Variants in CCN3 observed in about 807,000 individuals in gnomAD.
CCN3 encodes the protein CCN family member 3.
CCN3 carries 20 observed loss-of-function variants against 33.4 expected under a neutral mutation model. That is an observed-to-expected ratio of 0.60 (90% CI 0.42 to 0.87). CCN3 has a LOEUF of 0.87. Ranked by LOEUF, CCN3 falls within the 40% of genes least tolerant of loss-of-function variation. The pLI is 0.00. For missense variants in CCN3, 465 were observed against 455.3 expected, an observed-to-expected ratio of 1.02 and a Z score of -0.19; for synonymous variants, 205 against 170.4, an observed-to-expected ratio of 1.20 and a Z score of -1.58.
At chr8:119,419,473 G>A (rs1820096405) in intron 4 of CCN3, 128 bp downstream of exon 4, 2 of 858,924 alleles carry the variant, frequency 2.3e-6, no homozygotes, top group East Asian at 2.6e-5. Flanking sequence ...TAACCCCAGA[G>A]AAAAGGCAGT....
rs756814438 is a variant in CCN3 at position 119,416,974 on chromosome 8, T to A, written c.310+5T>A. 1 of 1,602,740 alleles carries A rather than the reference T, an allele frequency of 6.2e-7. No homozygotes were observed. Among genetic ancestry groups the A allele is most frequent in the South Asian group, 1.1e-5 (1 of 90,188 alleles). On this transcript the variant is annotated splice_donor_5th_base_variant and intron_variant, in intron 2 of 4. Transcript: ENST00000259526. ...ACCAGACTGGCATCTGCACGGGTAA[T>A]CCTGCTCCCTCTGCTGTTTGACCTC...
intron 4 of CCN3, among the ~76,000 whole-genome samples, chr8:119,422,002 G>T (rs1820130178): frequency 6.6e-6 from 1 of 152,136 alleles, no homozygotes; most frequent in East Asian, 1.9e-4. Context: ...AAACTGCTAT[G>T]AAGAACTACC....
rs917098241 is a variant in CCN3 at position 119,423,285 on chromosome 8, C to A, written c.*153C>A. On this transcript the variant is annotated 3_prime_UTR_variant, in exon 5 of 5. Coordinates refer to ENST00000259526, the MANE Select transcript of CCN3 (RefSeq NM_002514.4). ...ATCATATGAGGACCTTTATATCTGT[C>A]TTTTATTTAACAAAAAATGTAATTA... 4.7e-5 allele frequency: 31 copies of A among 659,566 alleles called. No homozygotes were observed. In the African/African-American group the frequency reaches 4.9e-4, roughly 10 times the overall value. 40.9% of individuals were successfully genotyped at this position (659,566 alleles called of 1,614,324 possible).
At position 119,418,101 on chromosome 8, in the gene CCN3, C is replaced by A. The variant is rs752566264; in HGVS notation, c.354C>A (p.Arg118=). The change falls in exon 3 of 5, where the codon CGC becomes CGA. Residue 118 remains arginine (R), a synonymous_variant. Coordinates refer to ENST00000259526, the MANE Select transcript of CCN3 (RefSeq NM_002514.4). ...DNCVFDGVIY[R]SGEKFQPSCK... ...GTGTGTTCGATGGGGTCATCTACCGCAGTGGAGAGAAATTTCAGCCAAGCT... is the reference window on the plus strand; with the variant it reads ...GTGTGTTCGATGGGGTCATCTACCGAAGTGGAGAGAAATTTCAGCCAAGCT... The A allele has an allele frequency of 1.2e-6, 2 of 1,614,216 alleles. No homozygotes were observed.
Position 119,416,923 on chromosome 8 carries a change from C to T in CCN3, c.264C>T (p.Tyr88=). ...CATGCGACGAGAGCAGTGGCCTCTA[C>T]TGTGATCGCAGCGCGGACCCCAGCA... ...LEPCDESSGL[Y]CDRSADPSNQ... The change falls in exon 2 of 5, where the codon TAC becomes TAT. Residue 88 remains tyrosine, a synonymous_variant. Coordinates refer to ENST00000259526, the MANE Select transcript of CCN3 (RefSeq NM_002514.4). 1 of 1,613,906 alleles carries T rather than the reference C, an allele frequency of 6.2e-7. No homozygotes were observed. The highest frequency in any genetic ancestry group is 8.5e-7 in the Non-Finnish European group (1 of 1,179,892).
chr8:119,417,086 A>G lies in CCN3; in HGVS notation c.310+117A>G, dbSNP rs1263884834. ...GCGATAAGCAAATAATAATAATGCAATAAATGACATGTATAGAGCACTTAC... is the reference window on the plus strand; with the variant it reads ...GCGATAAGCAAATAATAATAATGCAGTAAATGACATGTATAGAGCACTTAC... On this transcript the variant is annotated intron_variant, in intron 2 of 4. Coordinates refer to ENST00000259526, the MANE Select transcript of CCN3 (RefSeq NM_002514.4). 4.7e-6 allele frequency: 4 copies of G among 856,146 alleles called. No individual in the cohort carries two copies. The Admixed American group carries it at 1.1e-4, about 23-fold the overall frequency. 53.0% of individuals were successfully genotyped at this position (856,146 alleles called of 1,614,324 possible).
rs143297689 is a variant in CCN3, at chr8:119,422,804, A to G, written c.778-32A>G. 531 of 1,558,142 alleles carry G rather than the reference A, an allele frequency of 3.4e-4. 2 individuals are homozygous for G. In the African/African-American group the frequency reaches 6.2e-3, roughly 18 times the overall value. On this transcript the variant is annotated intron_variant, in intron 4 of 4. Coordinates refer to ENST00000259526, the MANE Select transcript of CCN3 (RefSeq NM_002514.4). ...ATTGTCCCTCAGGGGAATGGTAGCCATTCAATACATCACTTCTTTTTTCTT... is the reference window on the plus strand; with the variant it reads ...ATTGTCCCTCAGGGGAATGGTAGCCGTTCAATACATCACTTCTTTTTTCTT...
At position 119,416,951 on chromosome 8, in the gene CCN3, C is replaced by A; in HGVS notation, c.292C>A (p.Gln98Lys). ...YCDRSADPSN[Q>K]TGICTAVEGD... ...TGATCGCAGCGCGGACCCCAGCAACCAGACTGGCATCTGCACGGGTAATCC... is the reference window on the plus strand; with the variant it reads ...TGATCGCAGCGCGGACCCCAGCAACAAGACTGGCATCTGCACGGGTAATCC... Residue 98 changes from glutamine (Q) to lysine (K), a missense_variant, in exon 2 of 5, where the codon CAG becomes AAG. Gln to Lys is a moderately conservative substitution (Grantham distance 53, BLOSUM62 1). Transcript: ENST00000259526. The A allele has an allele frequency of 6.2e-7, 1 of 1,612,626 alleles. No individual in the cohort carries two copies.
chr8:119,422,759 A>G, intron 4 of CCN3, 77 bp from the exon 5 acceptor site: 1 of 1,175,692 alleles, frequency 8.5e-7, no homozygotes, highest in African/African-American at 1.5e-5. Context: ...GGCAACTAGC[A>G]GGTAATTCCA....
intron 3 of CCN3, 93 bp downstream of exon 3, chr8:119,418,402 G>C: frequency 4.0e-6 from 6 of 1,499,084 alleles, no homozygotes; most frequent in Non-Finnish European, 5.4e-6. Context: ...AAGAGAAACT[G>C]GCCTCAGTTT....
chr8:119,423,331 G>A lies in CCN3; in HGVS notation c.*199G>A. On this transcript the variant is annotated 3_prime_UTR_variant, in exon 5 of 5. Coordinates refer to ENST00000259526, the MANE Select transcript of CCN3 (RefSeq NM_002514.4). Reference sequence around the variant, plus strand: ...AATTAACTGTAAACTTGGAATCAAGGTAAGCTCAGGATATGGCTTAGGAAT... The same window carrying A: ...AATTAACTGTAAACTTGGAATCAAGATAAGCTCAGGATATGGCTTAGGAAT... 1 of 534,350 alleles carries A rather than the reference G, an allele frequency of 1.9e-6. No individual in the cohort carries two copies. Among genetic ancestry groups the A allele is most frequent in the African/African-American group, 1.9e-5 (1 of 53,322 alleles). 33.1% of individuals were successfully genotyped at this position (534,350 alleles called of 1,614,324 possible).
In CCN3 at chr8:119,416,851, T is replaced by C; in HGVS notation, c.192T>C (p.Cys64=). The part of the protein sequence containing the change: ...VRAVLDGCSC[C]LVCARQRGES... ...CGGTGCTGGACGGCTGCTCATGCTG[T>C]CTGGTGTGTGCCCGCCAGCGTGGCG... The change falls in exon 2 of 5, where the codon TGT becomes TGC. Residue 64 remains cysteine (C), a synonymous_variant. Transcript: ENST00000259526. The C allele has an allele frequency of 6.2e-7, 1 of 1,613,148 alleles. No individual in the cohort carries two copies. Among genetic ancestry groups the C allele is most frequent in the Middle Eastern group, 1.7e-4 (1 of 6,058 alleles).
rs753734705 is a variant in CCN3 at position 119,418,085 on chromosome 8, A to G, written c.338A>G (p.Asp113Gly). 8.1e-6 allele frequency: 13 copies of G among 1,613,704 alleles called. No homozygotes were observed. The highest frequency in any genetic ancestry group is 1.7e-5 in the Admixed American group (1 of 60,004). ...GTAGAGGGAGATAACTGTGTGTTCG[A>G]TGGGGTCATCTACCGCAGTGGAGAG... ...TAVEGDNCVFDGVIYRSGEKF... is the reference protein window; with the variant it reads ...TAVEGDNCVFGGVIYRSGEKF... The change falls in exon 3 of 5, where the codon GAT becomes GGT. Residue 113 changes from aspartate (D) to glycine (G), a missense_variant. Coordinates refer to ENST00000259526, the MANE Select transcript of CCN3 (RefSeq NM_002514.4).
rs1316972807 is a variant in CCN3 at position 119,423,279 on chromosome 8, ATC to A, written c.*149_*150del. 4.2e-6 allele frequency: 3 copies of A among 709,908 alleles called. No individual in the cohort carries two copies. The highest frequency in any genetic ancestry group is 3.5e-5 in the African/African-American group (2 of 56,346). The allele number at this position is 709,908 out of a possible 1,614,324, so 44.0% of individuals were successfully genotyped here. ...AATGTGATCATATGAGGACCTTTATATCTGTCTTTTATTTAACAAAAAATGTA... is the reference window on the plus strand; with the variant it reads ...AATGTGATCATATGAGGACCTTTATATGTCTTTTATTTAACAAAAAATGTA... On this transcript the variant is annotated 3_prime_UTR_variant, in exon 5 of 5. Transcript: ENST00000259526.
At position 119,416,828 on chromosome 8, in the gene CCN3, G is replaced by T. The variant is rs914222519; in HGVS notation, c.169G>T (p.Val57Leu). The T allele has an allele frequency of 6.2e-7, 1 of 1,611,286 alleles. No homozygotes were observed. Among genetic ancestry groups the T allele is most frequent in the Non-Finnish European group, 8.5e-7 (1 of 1,179,126 alleles). ...PPTCAPGVRA[V>L]LDGCSCCLVC... Reference sequence around the variant, plus strand: ...GACCTGCGCCCCCGGGGTGCGCGCGGTGCTGGACGGCTGCTCATGCTGTCT... The same window carrying T: ...GACCTGCGCCCCCGGGGTGCGCGCGTTGCTGGACGGCTGCTCATGCTGTCT... The change falls in exon 2 of 5, where the codon GTG becomes TTG. Residue 57 changes from valine (V) to leucine (L), a missense_variant. By Grantham distance (32) the Val-to-Leu change is conservative. Transcript: ENST00000259526.
At position 119,419,151 on chromosome 8, in the gene CCN3, C is replaced by T; in HGVS notation, c.583C>T (p.Leu195=). 1 of 1,614,018 alleles carries T rather than the reference C, an allele frequency of 6.2e-7. No individual in the cohort carries two copies. The highest frequency in any genetic ancestry group is 8.5e-7 in the Non-Finnish European group (1 of 1,179,910). Reference sequence around the variant, plus strand: ...CATAGCTTACAGGCCAGAAGCCACCCTAGGAGTAGAAGTCTCTGACTCAAG... The same window carrying T: ...CATAGCTTACAGGCCAGAAGCCACCTTAGGAGTAGAAGTCTCTGACTCAAG... ...TLAAYRPEAT[L]GVEVSDSSVN... Residue 195 remains leucine (L), a synonymous_variant, in exon 4 of 5, where the codon CTA becomes TTA. Transcript: ENST00000259526.
chr8:119,422,706 A>T, intron 4 of CCN3, 130 bp from the exon 5 acceptor site: 1 of 778,354 alleles, frequency 1.3e-6, no homozygotes, highest in Non-Finnish European at 2.1e-6. Context: ...AAGCAAAATT[A>T]ATGTTCTGAT....
chr8:119,416,464 A>G lies in CCN3; in HGVS notation c.-69A>G. On this transcript the variant is annotated 5_prime_UTR_variant, in exon 1 of 5. Coordinates refer to ENST00000259526, the MANE Select transcript of CCN3 (RefSeq NM_002514.4). ...GATCGGCAAGCACCGGACCAGGGGGAAGGCGAGCAGTGCCAATCTACAGCG... is the reference window on the plus strand; with the variant it reads ...GATCGGCAAGCACCGGACCAGGGGGGAGGCGAGCAGTGCCAATCTACAGCG... The G allele has an allele frequency of 7.0e-6, 10 of 1,437,670 alleles. No individual in the cohort carries two copies. The highest frequency in any genetic ancestry group is 1.8e-5 in the Admixed American group (1 of 56,034). The allele number at this position is 1,437,670 out of a possible 1,614,324, so 89.1% of individuals were successfully genotyped here. A position where few individuals can be genotyped will look rare whatever the true frequency, so the allele number is the denominator to read the frequency against.
At chr8:119,421,274 G>A (rs1820120624) in intron 4 of CCN3, among the ~76,000 whole-genome samples, 1 of 152,074 alleles carries the variant, frequency 6.6e-6, no homozygotes, top group Non-Finnish European at 1.5e-5. Context: ...CTCCCAAAGT[G>A]CTGGGATTAC....
Sources: gnomAD v4.1 joint callset for allele counts (sites outside exome capture counted in the v4.1 genomes callset) on GRCh38, gnomAD v4.1.1 for gene constraint, MANE v1.5 for transcripts, NCBI Gene and HGNC (gene_info 2026-07-23, HGNC 2026-07-21) for gene names.